The following GPR180 variants were observed in gnomAD, a reference collection of about 807,000 sequenced individuals.
GPR180 encodes the protein G protein-coupled receptor 180.
In GPR180, 53 loss-of-function variants were observed where a neutral mutation model predicts 52.6. The observed-to-expected ratio is 1.01, with a 90% CI of 0.81 to 1.27. GPR180 has a LOEUF of 1.27. GPR180 is among the 50% of genes most tolerant of loss of function. The probability of loss-of-function intolerance (pLI) is 0.00; values close to 1 mark genes in which losing one functional copy is unlikely to be tolerated. For missense variants in GPR180, 533 were observed against 527.0 expected (o/e 1.01, Z -0.11); for synonymous variants, 200 against 193.1 (o/e 1.04, Z -0.30).
intron 3 of GPR180, among the ~76,000 whole-genome samples, chr13:94,614,791 T>G (rs1474989236): frequency 6.6e-6 from 1 of 152,204 alleles, no homozygotes; most frequent in Non-Finnish European, 1.5e-5. Context: ...TCAGCAACAA[T>G]GTTTAAACAA....
intron 1 of GPR180, among the ~76,000 whole-genome samples, chr13:94,603,707 G>T (rs978976750): frequency 6.6e-6 from 1 of 151,996 alleles, no homozygotes; most frequent in Admixed American, 6.6e-5. Flanking sequence ...TATTTAAAAT[G>T]TTTAATCAAA....
intron 3 of GPR180, among the ~76,000 whole-genome samples, chr13:94,615,822 T>C (rs1173231312): frequency 2.6e-5 from 4 of 152,246 alleles, no homozygotes; most frequent in Non-Finnish European, 5.9e-5. Flanking sequence ...TTTAGTGTTA[T>C]CCCTTTTTTC....
intron 1 of GPR180, among the ~76,000 whole-genome samples, chr13:94,602,969 G>A (rs948624753): frequency 6.6e-6 from 1 of 152,082 alleles, no homozygotes; most frequent in Non-Finnish European, 1.5e-5. Context: ...CAGAATATTG[G>A]CCTAGAAAAT....
rs189830524 is a variant in GPR180, at chr13:94,612,779, T to A, written c.505+389T>A. On this transcript the variant is annotated intron_variant, in intron 3 of 8. Transcript: ENST00000376958. ...TTTTATGATAACCTTGCATTATTTT[T>A]ATAAACAGAAAAATGGTAACAAATT... Among the ~76,000 whole-genome samples, 4 of 152,354 alleles carry A rather than the reference T, an allele frequency of 2.6e-5. No homozygotes were observed. In the East Asian group the frequency reaches 7.7e-4, roughly 29 times the overall value.
rs1889941070 is a variant in GPR180 at position 94,627,268 on chromosome 13, C to G, written c.*97C>G. On this transcript the variant is annotated 3_prime_UTR_variant, in exon 9 of 9. Coordinates refer to ENST00000376958, the MANE Select transcript of GPR180 (RefSeq NM_180989.6). ...TTTTTTCATACATTTAGTATGAAAACTTGAACAGCGAAAGCAGAGCATGTT... is the reference window on the plus strand; with the variant it reads ...TTTTTTCATACATTTAGTATGAAAAGTTGAACAGCGAAAGCAGAGCATGTT... The G allele has an allele frequency of 1.0e-6, 1 of 984,866 alleles. No individual in the cohort carries two copies. The highest frequency in any genetic ancestry group is 1.5e-6 in the Non-Finnish European group (1 of 652,728). 61.0% of individuals were successfully genotyped at this position (984,866 alleles called of 1,614,324 possible). A position where few individuals can be genotyped will look rare whatever the true frequency, so the allele number is the denominator to read the frequency against.
chr13:94,612,504 A>G (rs1221101293), intron 3 of GPR180, 114 bp downstream of exon 3: 8 of 713,714 alleles, frequency 1.1e-5, no homozygotes, highest in Non-Finnish European at 1.8e-5. Context: ...CCAAAACTAG[A>G]GAAATGGTTA....
At chr13:94,612,796 TAAC>T (rs932346661) in intron 3 of GPR180, among the ~76,000 whole-genome samples, 1 of 152,244 alleles carries the variant, frequency 6.6e-6, no homozygotes, top group African/African-American at 2.4e-5. Context: ...AGAAAAATGG[TAAC>T]AAATTAAACA....
intron 3 of GPR180, among the ~76,000 whole-genome samples, chr13:94,616,282 G>T (rs956770563): frequency 2.0e-5 from 3 of 152,164 alleles, no homozygotes; most frequent in Non-Finnish European, 1.5e-5. Context: ...AAAGGGTTAG[G>T]TTTACCTCCT....
chr13:94,622,987 C>T (rs1889871027), intron 6 of GPR180, 122 bp from the exon 7 acceptor site: 2 of 675,998 alleles, frequency 3.0e-6, no homozygotes, highest in South Asian at 4.0e-5. Context: ...AATTAACAAC[C>T]TCTATGGTCT....
At position 94,627,685 on chromosome 13, in the gene GPR180, A is replaced by G. The variant is rs1889945683; in HGVS notation, c.*514A>G. 1 of 152,414 alleles carries G rather than the reference A, an allele frequency of 6.6e-6. No individual in the cohort carries two copies. The highest frequency in any genetic ancestry group is 2.1e-4 in the South Asian group (1 of 4,838). 9.4% of individuals were successfully genotyped at this position (152,414 alleles called of 1,614,324 possible). ...ATTGAAATTACTTCAGGAAATGAAT[A>G]TAAAATAGGTTCACAGTTAAATGAA... On this transcript the variant is annotated 3_prime_UTR_variant, in exon 9 of 9. Coordinates refer to ENST00000376958, the MANE Select transcript of GPR180 (RefSeq NM_180989.6).
At chr13:94,625,751 A>G (rs1208145801) in intron 7 of GPR180, among the ~76,000 whole-genome samples, 1 of 152,224 alleles carries the variant, frequency 6.6e-6, no homozygotes, top group African/African-American at 2.4e-5. Flanking sequence ...TATAAACATA[A>G]GATTATAAAT....
At chr13:94,602,238 A>G (rs1295678681) in intron 1 of GPR180, among the ~76,000 whole-genome samples, 166 bp downstream of exon 1, 1 of 152,210 alleles carries the variant, frequency 6.6e-6, no homozygotes, top group Non-Finnish European at 1.5e-5. Context: ...GAATGGTGGG[A>G]TGCGTTCCTT....
rs758328404 is a variant in GPR180, at chr13:94,621,067, T to C, written c.737-11T>C. 11 of 1,595,042 alleles carry C rather than the reference T, an allele frequency of 6.9e-6. No homozygotes were observed. The Admixed American group carries it at 1.1e-4, about 16-fold the overall frequency. ...AAAACTTGGTTGACGTTGGTTTTCA[T>C]GTCCCATTAGTTTTTGACATCGCTT... On this transcript the variant is annotated splice_polypyrimidine_tract_variant and intron_variant, in intron 5 of 8. Coordinates refer to ENST00000376958, the MANE Select transcript of GPR180 (RefSeq NM_180989.6).
chr13:94,619,767 G>C (rs1278488275), intron 5 of GPR180, among the ~76,000 whole-genome samples: 10 of 152,124 alleles, frequency 6.6e-5, no homozygotes, highest in Admixed American at 6.6e-4. Flanking sequence ...GCCCAGGCTG[G>C]AGTGCAGTGG....
intron 1 of GPR180, among the ~76,000 whole-genome samples, chr13:94,602,330 T>C (rs1566974602): frequency 2.0e-5 from 3 of 152,178 alleles, no homozygotes; most frequent in Non-Finnish European, 1.5e-5. Flanking sequence ...TGAAAGCTGG[T>C]TTCCATTTCC....
chr13:94,621,637 G>A (rs1260948573), intron 6 of GPR180, among the ~76,000 whole-genome samples: 4 of 152,046 alleles, frequency 2.6e-5, no homozygotes, highest in Non-Finnish European at 4.4e-5. Context: ...TTTATCCATT[G>A]TCAAGAATCT....
intron 1 of GPR180, among the ~76,000 whole-genome samples, chr13:94,603,154 A>G (rs1889581945): frequency 1.3e-5 from 2 of 151,962 alleles, no homozygotes; most frequent in South Asian, 2.1e-4. Flanking sequence ...TCAAAATCCA[A>G]TGTGGAATAT....
chr13:94,605,765 G>A (rs1198934670), intron 2 of GPR180, among the ~76,000 whole-genome samples: 1 of 151,996 alleles, frequency 6.6e-6, no homozygotes, highest in African/African-American at 2.4e-5. Flanking sequence ...TTATATAGGA[G>A]TCCTTTCTTT....
At chr13:94,615,343 G>T (rs186825482) in intron 3 of GPR180, among the ~76,000 whole-genome samples, 4 of 152,266 alleles carry the variant, frequency 2.6e-5, no homozygotes, top group African/African-American at 9.6e-5. Context: ...AAATTGATTT[G>T]CTATGCTTTT....
Sources: gnomAD v4.1 joint callset for allele counts (sites outside exome capture counted in the v4.1 genomes callset) on GRCh38, gnomAD v4.1.1 for gene constraint, MANE v1.5 for transcripts, NCBI Gene and HGNC (gene_info 2026-07-23, HGNC 2026-07-21) for gene names.